ZNF721: variants seen among roughly 807,000 people sequenced by gnomAD.
ZNF721 encodes the protein zinc finger protein 721.
In ZNF721, 2 loss-of-function variants were observed where a neutral mutation model predicts 2.4. That is an observed-to-expected ratio of 0.82 (90% CI 0.34 to 2.58). The LOEUF (loss-of-function observed/expected upper bound fraction) is 2.58. Ranked by LOEUF, ZNF721 falls within the 30% of genes most tolerant of loss-of-function variation. The pLI, the probability that ZNF721 is intolerant of heterozygous loss-of-function variation, is 0.11. For synonymous variants in ZNF721, 398 were observed against 381.8 expected, an observed-to-expected ratio of 1.04 and a Z score of -0.50; for missense variants, 1,187 against 1,085.5, an observed-to-expected ratio of 1.09 and a Z score of -1.31.
chr4:465,455 G>A (rs567151465), intron 2 of ZNF721, among the ~76,000 whole-genome samples: 16 of 149,056 alleles, frequency 1.1e-4, no homozygotes, highest in South Asian at 4.2e-4. Flanking sequence ...TTTTTGAGAC[G>A]GAGTCTCACT....
chr4:478,081 T>C (rs1486188359), intron 1 of ZNF721, among the ~76,000 whole-genome samples: 1 of 152,222 alleles, frequency 6.6e-6, no homozygotes, highest in East Asian at 1.9e-4. Context: ...AACACGGAAC[T>C]CTCAGGGCAG....
At chr4:476,588 C>T (rs1553868718) in intron 1 of ZNF721, among the ~76,000 whole-genome samples, 1 of 152,220 alleles carries the variant, frequency 6.6e-6, no homozygotes, top group East Asian at 1.9e-4. Flanking sequence ...TTTACCCACA[C>T]CAGATCGACT....
At chr4:460,706 A>G (rs1715038873) in intron 2 of ZNF721, among the ~76,000 whole-genome samples, 1 of 152,140 alleles carries the variant, frequency 6.6e-6, no homozygotes, top group Non-Finnish European at 1.5e-5. Context: ...CACTAGCAAC[A>G]CTACCAAAGA....
At position 443,059 on chromosome 4, in the gene ZNF721, T is replaced by C. The variant is rs202092769; in HGVS notation, c.1408A>G (p.Lys470Glu). The C allele has an allele frequency of 2.1e-3, 3,381 of 1,613,738 alleles. 54 individuals carry two copies. The highest frequency in any genetic ancestry group is 1.9e-3 in the South Asian group (173 of 91,066). ...CATTGCTTACATTTGTAGGGTTTCT[T>C]TCCAGTATGAATTTTCTCATGTTTA... is the stretch of plus-strand genomic sequence containing the variant. ...LNKHEKIHTG[K>E]KPYKCKQCGK... The change falls in exon 3 of 3, where the codon AAG becomes GAG. Residue 470 changes from lysine (K) to glutamate (E), a missense_variant. Coordinates refer to ENST00000511833, the MANE Select transcript of ZNF721 (RefSeq NM_133474.4).
chr4:463,519 A>G (rs982414953), intron 2 of ZNF721, among the ~76,000 whole-genome samples: 2 of 152,206 alleles, frequency 1.3e-5, no homozygotes, highest in African/African-American at 2.4e-5. Context: ...ATGCCCATCA[A>G]TGGTAGACTG....
intron 2 of ZNF721, among the ~76,000 whole-genome samples, chr4:468,507 T>C (rs1185643361): frequency 6.6e-6 from 1 of 152,006 alleles, no homozygotes; most frequent in Non-Finnish European, 1.5e-5. Flanking sequence ...ATTTGGGCCA[T>C]CATATGCAGA....
At chr4:451,169 C>T (rs782048715) in intron 2 of ZNF721, among the ~76,000 whole-genome samples, 4 of 151,686 alleles carry the variant, frequency 2.6e-5, no homozygotes, top group East Asian at 1.9e-4. Flanking sequence ...TATTCTGACA[C>T]GTCTCTGTGG....
chr4:491,087 A>T (rs1716008807), intron 1 of ZNF721, among the ~76,000 whole-genome samples: 1 of 152,150 alleles, frequency 6.6e-6, no homozygotes, highest in African/African-American at 2.4e-5. Flanking sequence ...GAGAAGAAAA[A>T]TACTGACACG....
In ZNF721 at chr4:442,469, C is replaced by T. The variant is rs1022426955; in HGVS notation, c.1998G>A (p.Glu666=). ...CACACTCTTCACATTTGTAACTTTG[C>T]TCTCCAGTAAGAATTTTCGTGTGTT... is the stretch of plus-strand genomic sequence containing the variant. ...LNQHTKILTG[E]QSYKCEECGK... is the part of the protein sequence containing the mutation. Residue 666 remains glutamate, a synonymous_variant, in exon 3 of 3, where the codon GAG becomes GAA. Transcript: ENST00000511833. 2 of 1,613,864 alleles carry T rather than the reference C, an allele frequency of 1.2e-6. No homozygotes were observed. Among genetic ancestry groups the T allele is most frequent in the Admixed American group, 1.7e-5 (1 of 60,000 alleles).
Position 441,875 on chromosome 4 carries a change from G to C in ZNF721, c.2592C>G (p.Pro864=), listed in dbSNP as rs1553863179. 6.2e-7 allele frequency: 1 copy of C among 1,613,760 alleles called. No homozygotes were observed. The highest frequency in any genetic ancestry group is 1.3e-5 in the African/African-American group (1 of 74,912). The change falls in exon 3 of 3, where the codon CCC becomes CCG. Residue 864 remains proline (P), a synonymous_variant. Coordinates refer to ENST00000511833, the MANE Select transcript of ZNF721 (RefSeq NM_133474.4). Reference sequence around the variant, plus strand: ...TTTTGCCACATTCTCCACATGTGTAGGGTTTCTCTCCAGTATGAATTCTCC... The same window carrying C: ...TTTTGCCACATTCTCCACATGTGTACGGTTTCTCTCCAGTATGAATTCTCC... ...VHRRIHTGEK[P]YTCGECGKTF...
At chr4:450,956 A>AAAAT (rs1714637638) in intron 2 of ZNF721, among the ~76,000 whole-genome samples, 7 of 63,752 alleles carry the variant, frequency 1.1e-4, no homozygotes, top group African/African-American at 1.5e-4. Context: ...AAAAAAAAAA[A>AAAAT]ATATATATAT....
At chr4:478,499 T>G (rs782398765) in intron 1 of ZNF721, among the ~76,000 whole-genome samples, 6 of 152,108 alleles carry the variant, frequency 3.9e-5, no homozygotes, top group Non-Finnish European at 8.8e-5. Flanking sequence ...TTATGTGGAT[T>G]ACAGGCATGA....
At chr4:451,563 G>A (rs1157842257) in intron 2 of ZNF721, among the ~76,000 whole-genome samples, 2 of 152,194 alleles carry the variant, frequency 1.3e-5, no homozygotes, top group African/African-American at 4.8e-5. Flanking sequence ...ATTCTCCATA[G>A]TCTGGTGAAT....
At chr4:487,416 T>TA (rs1715924495) in intron 1 of ZNF721, among the ~76,000 whole-genome samples, 2 of 152,176 alleles carry the variant, frequency 1.3e-5, no homozygotes, top group African/African-American at 4.8e-5. Flanking sequence ...CGGAGCCACC[T>TA]AATTCACCAG....
intron 1 of ZNF721, among the ~76,000 whole-genome samples, chr4:496,835 T>G (rs1265615062): frequency 6.6e-6 from 1 of 150,452 alleles, no homozygotes; most frequent in Non-Finnish European, 1.5e-5. Context: ...GCCTCAGCCT[T>G]TTGAGTAGCT....
intron 1 of ZNF721, among the ~76,000 whole-genome samples, chr4:487,982 T>A (rs1715937563): frequency 6.6e-6 from 1 of 152,194 alleles, no homozygotes; most frequent in African/African-American, 2.4e-5. Flanking sequence ...GCACAGACCA[T>A]GCCTTCATCT....
chr4:499,130 C>G lies in ZNF721; in HGVS notation c.-168G>C, dbSNP rs1266789614. On this transcript the variant is annotated 5_prime_UTR_variant, in exon 1 of 3. Coordinates refer to ENST00000511833, the MANE Select transcript of ZNF721 (RefSeq NM_133474.4). ...GGAGCCGGGAACACCGCCCGCTGTT[C>G]GTATGTCCGAGGTGACGCCCCGCTG... 5.1e-6 allele frequency: 3 copies of G among 587,036 alleles called. No individual in the cohort carries two copies. Among genetic ancestry groups the G allele is most frequent in the Admixed American group, 3.4e-5 (1 of 29,404 alleles). 36.4% of individuals were successfully genotyped at this position (587,036 alleles called of 1,614,324 possible). A position where few individuals can be genotyped will look rare whatever the true frequency, so the allele number is the denominator to read the frequency against.
Position 442,780 on chromosome 4 carries a change from C to T in ZNF721, c.1687G>A (p.Gly563Ser), listed in dbSNP as rs782250441. ...GEKPYTCEEC[G>S]KTFRQSANLY... ...TTTGCGGACTGTCTAAAGGTTTTGC[C>T]ACATTCTTCACATGTGTAGGGTTTC... The change falls in exon 3 of 3, where the codon GGC becomes AGC. Residue 563 changes from glycine (G) to serine (S), a missense_variant. Coordinates refer to ENST00000511833, the MANE Select transcript of ZNF721 (RefSeq NM_133474.4). 1.9e-5 allele frequency: 30 copies of T among 1,613,890 alleles called. No individual in the cohort carries two copies. Among genetic ancestry groups the T allele is most frequent in the Non-Finnish European group, 2.5e-5 (29 of 1,179,990 alleles).
chr4:473,914 G>C (rs978259531), intron 1 of ZNF721: 183 of 1,481,784 alleles, frequency 1.2e-4, no homozygotes, highest in Non-Finnish European at 1.7e-4. Context: ...CAGTCCCGCC[G>C]CCGCCATTTG....
Sources: gnomAD v4.1 joint callset for allele counts (sites outside exome capture counted in the v4.1 genomes callset) on GRCh38, gnomAD v4.1.1 for gene constraint, MANE v1.5 for transcripts, NCBI Gene and HGNC (gene_info 2026-07-23, HGNC 2026-07-21) for gene names.